Variants in TTC7A observed in about 807,000 individuals in gnomAD.
The protein encoded by TTC7A is tetratricopeptide repeat domain 7A.
TTC7A carries 110 observed loss-of-function variants against 103.7 expected under a neutral mutation model. The ratio of observed to expected loss-of-function variants is 1.06; its 90% confidence interval spans 0.91 to 1.24. The LOEUF (loss-of-function observed/expected upper bound fraction) is 1.24. Among genes scored for constraint, TTC7A ranks in the 50% most tolerant of loss-of-function variants. TTC7A has a pLI of 0.00. For missense variants in TTC7A, 1,340 were observed against 1,116.3 expected, an observed-to-expected ratio of 1.20 and a Z score of -2.86; for synonymous variants, 521 against 467.9, an observed-to-expected ratio of 1.11 and a Z score of -1.47.
intron 15 of TTC7A, chr2:47,035,157 T>C (rs939484991): frequency 3.9e-5 from 6 of 152,240 alleles, no homozygotes; most frequent in African/African-American, 1.2e-4. Flanking sequence ...CCGGGGCTTC[T>C]GTTAACATTC....
chr2:47,073,004 T>C (rs1401434586), intron 19 of TTC7A, among the ~76,000 whole-genome samples: 1 of 152,144 alleles, frequency 6.6e-6, no homozygotes, highest in Non-Finnish European at 1.5e-5. Context: ...TCCCTGTGCG[T>C]GACCCAGACC....
chr2:47,039,496 A>C (rs1681504498), intron 15 of TTC7A, among the ~76,000 whole-genome samples: 1 of 152,202 alleles, frequency 6.6e-6, no homozygotes, highest in South Asian at 2.1e-4. Context: ...TGACCCCAGG[A>C]CTGTGCTTGG....
intron 16 of TTC7A, 89 bp downstream of exon 16, chr2:47,046,520 TG>T: frequency 1.0e-6 from 1 of 993,278 alleles, no homozygotes; most frequent in Admixed American, 1.8e-5. Flanking sequence ...CCTGCCAAGA[TG>T]GGGAGGAGAG....
chr2:47,048,639 G>A (rs190954414), intron 16 of TTC7A, among the ~76,000 whole-genome samples: 1 of 152,294 alleles, frequency 6.6e-6, no homozygotes, highest in African/African-American at 2.4e-5. Context: ...GTCTTGCCCT[G>A]TTGCCCAGGC....
At chr2:47,029,982 G>A (rs1437459199) in intron 15 of TTC7A, among the ~76,000 whole-genome samples, 1 of 152,236 alleles carries the variant, frequency 6.6e-6, no homozygotes, top group African/African-American at 2.4e-5. Flanking sequence ...ACAAGGCCGT[G>A]CTGGGCCACC....
chr2:46,964,208 C>A (rs533074593), intron 3 of TTC7A, among the ~76,000 whole-genome samples: 47 of 152,320 alleles, frequency 3.1e-4, no homozygotes, highest in African/African-American at 1.1e-3. Flanking sequence ...GGTGGTGAGC[C>A]TGAACTTGAG....
At chr2:47,011,213 G>C in intron 10 of TTC7A, 118 bp from the exon 11 acceptor site, 1 of 893,594 alleles carries the variant, frequency 1.1e-6, no homozygotes. Context: ...CCTCTTCCTG[G>C]CTCCTGAGAG....
rs1363548961 is a variant in TTC7A, at chr2:47,074,904, C to T, written c.*981C>T. 2.6e-5 allele frequency: 4 copies of T among 152,258 alleles called. No homozygotes were observed. The highest frequency in any genetic ancestry group is 9.7e-5 in the African/African-American group (4 of 41,432). The allele number at this position is 152,258 out of a possible 1,614,324, so 9.4% of individuals were successfully genotyped here. ...GGGCCTGGGGGCTGTGGGTGTATGT[C>T]CTCCCTACTGGCTTCCCCGGCCCCT... On this transcript the variant is annotated 3_prime_UTR_variant, in exon 20 of 20. Transcript: ENST00000319190.
chr2:47,040,520 A>C (rs1371258658), intron 15 of TTC7A: 1 of 152,292 alleles, frequency 6.6e-6, no homozygotes, highest in South Asian at 2.1e-4. Flanking sequence ...CCCAGTTCCT[A>C]TAGCTTTATG....
intron 5 of TTC7A, among the ~76,000 whole-genome samples, chr2:46,987,919 T>A (rs1326700353): frequency 2.0e-5 from 3 of 152,108 alleles, no homozygotes; most frequent in African/African-American, 7.2e-5. Flanking sequence ...CAGCCTGCTG[T>A]TTGGTGTGAC....
intron 2 of TTC7A, among the ~76,000 whole-genome samples, chr2:46,950,998 G>C (rs1233629165): frequency 6.6e-6 from 1 of 152,142 alleles, no homozygotes; most frequent in Non-Finnish European, 1.5e-5. Context: ...TATGTGCCTG[G>C]CCCTTTGGGC....
intron 3 of TTC7A, among the ~76,000 whole-genome samples, chr2:46,965,618 G>A (rs1227586474): frequency 9.5e-5 from 14 of 147,906 alleles, no homozygotes; most frequent in African/African-American, 3.2e-4. Context: ...CTGGAGTGCA[G>A]TGATGCGATC....
intron 15 of TTC7A, among the ~76,000 whole-genome samples, chr2:47,036,826 C>T (rs1681162415): frequency 6.6e-6 from 1 of 152,234 alleles, no homozygotes; most frequent in Non-Finnish European, 1.5e-5. Context: ...CTATTACACT[C>T]CAGCTTGGGT....
intron 19 of TTC7A, chr2:47,071,168 C>T (rs1381617623): frequency 6.6e-6 from 1 of 152,302 alleles, no homozygotes; most frequent in African/African-American, 2.4e-5. Context: ...GTGTCTTGCC[C>T]AGTTGTCAGG....
At chr2:47,024,769 CACTGTGTGG>C (rs1433240108) in intron 14 of TTC7A, among the ~76,000 whole-genome samples, 1 of 152,146 alleles carries the variant, frequency 6.6e-6, no homozygotes, top group Non-Finnish European at 1.5e-5. Context: ...GCTACTCCTT[CACTGTGTGG>C]ACACCACCAT....
chr2:47,000,847 A>G lies in TTC7A; in HGVS notation c.1066-5075A>G, dbSNP rs189498209. On this transcript the variant is annotated intron_variant, in intron 8 of 19. Coordinates refer to ENST00000319190, the MANE Select transcript of TTC7A (RefSeq NM_020458.4). ...GTTGCCCAGGGAGCATGTTCTTTGC[A>G]GAGAAGCAGCACCCAGGGCCTGATG... Among the ~76,000 whole-genome samples the G allele has an allele frequency of 1.1e-4, 16 of 152,260 alleles. 1 individual carries two copies. Among genetic ancestry groups the G allele is most frequent in the African/African-American group, 3.9e-4 (16 of 41,550 alleles).
intron 5 of TTC7A, among the ~76,000 whole-genome samples, chr2:46,986,461 C>T (rs574164731): frequency 7.6e-4 from 116 of 151,816 alleles, no homozygotes; most frequent in East Asian, 1.9e-3. Context: ...GTGGAGTGAC[C>T]GTCCCAGAGG....
At chr2:46,937,281 A>T (rs1558484024), upstream of TTC7A, among the ~76,000 whole-genome samples, 1 of 151,168 alleles carries the variant, frequency 6.6e-6, no homozygotes, top group Non-Finnish European at 1.5e-5. The surrounding 1 kb of genome is among the most constrained non-coding windows in gnomAD (Gnocchi z 4.0). Flanking sequence ...CTTTTCCCCT[A>T]CCCTATGCTC....
rs1035450607 is a variant in TTC7A, at chr2:46,975,210, C to T, written c.648+107C>T. 7 of 1,422,350 alleles carry T rather than the reference C, an allele frequency of 4.9e-6. No homozygotes were observed. The African/African-American group carries it at 7.1e-5, about 14-fold the overall frequency. The allele number at this position is 1,422,350 out of a possible 1,614,324, so 88.1% of individuals were successfully genotyped here. A position where few individuals can be genotyped will look rare whatever the true frequency, so the allele number is the denominator to read the frequency against. On this transcript the variant is annotated intron_variant, in intron 4 of 19. Coordinates refer to ENST00000319190, the MANE Select transcript of TTC7A (RefSeq NM_020458.4). ...CCTGTGTGCTAATTAGAAGAAGTCA[C>T]CTTCTCTGTCCCCCAAAGACACTCT...
Sources: allele counts gnomAD v4.1 joint callset (sites outside exome capture counted in the v4.1 genomes callset), GRCh38; gene constraint gnomAD v4.1.1; non-coding constraint Gnocchi (gnomAD v3.1); transcripts MANE v1.5; gene names NCBI Gene and HGNC (gene_info 2026-07-23, HGNC 2026-07-21).